The following MCTP1 variants were observed in gnomAD, a reference collection of about 807,000 sequenced individuals.
MCTP1 encodes the protein multiple C2 and transmembrane domain-containing protein 1.
In MCTP1, 69 loss-of-function variants were observed where a neutral mutation model predicts 120.6. That is an observed-to-expected ratio of 0.57 (90% CI 0.47 to 0.70). MCTP1 has a LOEUF of 0.70. Among genes scored for constraint, MCTP1 ranks in the 30% least tolerant of loss-of-function variants. MCTP1 has a pLI of 0.00. For missense variants in MCTP1, 1,203 were observed against 1,248.8 expected, an observed-to-expected ratio of 0.96 and a Z score of 0.55; for synonymous variants, 529 against 493.1, an observed-to-expected ratio of 1.07 and a Z score of -0.96.
At chr5:94,776,308 T>C (rs2152924728) in intron 19 of MCTP1, among the ~76,000 whole-genome samples, 1 of 152,278 alleles carries the variant, frequency 6.6e-6, no homozygotes, top group Admixed American at 6.5e-5. Context: ...ATGCTGGCTC[T>C]AAAGAAAGAC....
At chr5:94,789,372 A>G (rs933137643) in intron 18 of MCTP1, 1 of 152,236 alleles carries the variant, frequency 6.6e-6, no homozygotes, top group East Asian at 1.9e-4. Context: ...TTGACTTTTA[A>G]AAATAGAAGT....
At chr5:95,103,254 T>C (rs1211939800) in intron 1 of MCTP1, among the ~76,000 whole-genome samples, 3 of 152,126 alleles carry the variant, frequency 2.0e-5, no homozygotes, top group Non-Finnish European at 4.4e-5. Context: ...TACGTAAGCT[T>C]TGGAAAGAAG....
intron 3 of MCTP1, among the ~76,000 whole-genome samples, chr5:94,947,581 G>A (rs201630802): frequency 0.016 from 490 of 30,364 alleles, 16 homozygotes; most frequent in East Asian, 0.08. Context: ...TATATATAGA[G>A]AGAGAGAGAG....
At chr5:95,211,320 C>A (rs557093564) in intron 1 of MCTP1, among the ~76,000 whole-genome samples, 1 of 152,056 alleles carries the variant, frequency 6.6e-6, no homozygotes, top group Admixed American at 6.6e-5. Flanking sequence ...ACCAATCAGA[C>A]GTAGATTTGG....
At chr5:94,893,870 G>A (rs1040211068) in intron 11 of MCTP1, among the ~76,000 whole-genome samples, 1 of 152,178 alleles carries the variant, frequency 6.6e-6, no homozygotes, top group Non-Finnish European at 1.5e-5. Flanking sequence ...GTCATTTTAA[G>A]TGGAAAAGCT....
At chr5:95,061,464 C>T (rs1749174236) in intron 1 of MCTP1, among the ~76,000 whole-genome samples, 1 of 50,664 alleles carries the variant, frequency 2.0e-5, no homozygotes, top group Non-Finnish European at 3.9e-5. Context: ...GAGACGGAGT[C>T]TCGCTCTGTC....
At chr5:95,210,077 G>A (rs12188868) in intron 1 of MCTP1, among the ~76,000 whole-genome samples, 25,196 of 152,022 alleles carry the variant, frequency 0.17, 2,458 homozygotes, top group Non-Finnish European at 0.22. Context: ...TTGCTGAGGA[G>A]GAGAGCTTTA....
chr5:95,128,235 A>C (rs1295210298), intron 1 of MCTP1, among the ~76,000 whole-genome samples: 1 of 152,230 alleles, frequency 6.6e-6, no homozygotes, highest in Non-Finnish European at 1.5e-5. Flanking sequence ...AAACCACAAG[A>C]AGAGATGAGA....
At chr5:94,810,735 T>C (rs1447798426) in intron 17 of MCTP1, among the ~76,000 whole-genome samples, 1 of 152,166 alleles carries the variant, frequency 6.6e-6, no homozygotes, top group Non-Finnish European at 1.5e-5. Flanking sequence ...TTCTGACTTT[T>C]TTCCACTCAA....
intron 1 of MCTP1, among the ~76,000 whole-genome samples, chr5:95,025,296 T>A (rs907630809): frequency 2.0e-5 from 3 of 151,990 alleles, no homozygotes; most frequent in African/African-American, 7.2e-5. Flanking sequence ...TTGATAGAGG[T>A]GTCAAGAATA....
At position 94,870,428 on chromosome 5, in the gene MCTP1, G is replaced by A; in HGVS notation, c.2305C>T (p.Leu769Phe). The A allele has an allele frequency of 3.1e-6, 5 of 1,610,022 alleles. No homozygotes were observed. The highest frequency in any genetic ancestry group is 1.1e-5 in the South Asian group (1 of 90,946). Residue 769 changes from leucine (L) to phenylalanine (F), a missense_variant, in exon 16 of 23, where the codon CTC (leucine) becomes TTC (phenylalanine). Coordinates refer to ENST00000515393, the MANE Select transcript of MCTP1 (RefSeq NM_024717.7). The stretch of plus-strand genomic sequence containing the variant: ...TTCTTGCTTTTTACCTGTTTAGAGA[G>A]TCTGTTTTCCTCTTCAATGTACTTC... ...EQKYIEEENRLSKQLLLRNFI... is the reference protein window; with the variant it reads ...EQKYIEEENRFSKQLLLRNFI...
At chr5:94,812,774 TAAA>T (rs34926852) in intron 17 of MCTP1, among the ~76,000 whole-genome samples, 2 of 142,464 alleles carry the variant, frequency 1.4e-5, no homozygotes, top group Admixed American at 7.0e-5. Flanking sequence ...CCTTGCCTCT[TAAA>T]AAAAAAAAAA....
intron 19 of MCTP1, among the ~76,000 whole-genome samples, chr5:94,768,667 A>T (rs1238014226): frequency 6.6e-6 from 1 of 152,200 alleles, no homozygotes; most frequent in African/African-American, 2.4e-5. Context: ...GGAGAAATGC[A>T]AACCAAAACT....
chr5:94,997,677 T>G (rs1244370352), intron 2 of MCTP1, among the ~76,000 whole-genome samples: 3 of 152,202 alleles, frequency 2.0e-5, no homozygotes, highest in Admixed American at 2.0e-4. Context: ...GGTACATTTG[T>G]TATCATCAAT....
At chr5:94,740,547 T>G (rs991639946) in intron 19 of MCTP1, among the ~76,000 whole-genome samples, 1 of 152,100 alleles carries the variant, frequency 6.6e-6, no homozygotes, top group Non-Finnish European at 1.5e-5. Flanking sequence ...TGGAGTAAAT[T>G]TGGTGTGGTT....
chr5:94,987,732 T>A (rs763244714), intron 2 of MCTP1, among the ~76,000 whole-genome samples: 1 of 152,100 alleles, frequency 6.6e-6, no homozygotes, highest in Non-Finnish European at 1.5e-5. Flanking sequence ...ACATAGAAAA[T>A]AATATCTTCA....
intron 6 of MCTP1, 173 bp downstream of exon 6, chr5:94,931,780 G>C: frequency 3.2e-6 from 2 of 630,968 alleles, no homozygotes; most frequent in Non-Finnish European, 5.6e-6. Flanking sequence ...CTATTGATCG[G>C]TGTGATTTCT....
chr5:95,212,159 A>G (rs1457326713), intron 1 of MCTP1, among the ~76,000 whole-genome samples: 1 of 152,064 alleles, frequency 6.6e-6, no homozygotes, highest in Non-Finnish European at 1.5e-5. Flanking sequence ...AATCAAATAG[A>G]CGCAATAAAA....
chr5:94,929,788 G>T, intron 6 of MCTP1: 1 of 435,640 alleles, frequency 2.3e-6, no homozygotes. Context: ...CACTAATATA[G>T]ATGAATATGG....
Sources: gnomAD v4.1 joint callset for allele counts (sites outside exome capture counted in the v4.1 genomes callset) on GRCh38, gnomAD v4.1.1 for gene constraint, MANE v1.5 for transcripts, NCBI Gene and HGNC (gene_info 2026-07-23, HGNC 2026-07-21) for gene names.